GLI3: variants seen among roughly 807,000 people sequenced by gnomAD.
GLI3 encodes GLI family zinc finger 3.
A neutral mutation model predicts 100.8 loss-of-function variants in GLI3; 20 were observed. That is an observed-to-expected ratio of 0.20 (90% confidence interval 0.14 to 0.29). The LOEUF (loss-of-function observed/expected upper bound fraction) is 0.29. Ranked by LOEUF, GLI3 falls within the 10% of genes least tolerant of loss-of-function variation. The pLI, the probability that GLI3 is intolerant of heterozygous loss-of-function variation, is 1.00. For synonymous variants in GLI3, 938 were observed against 860.5 expected (o/e 1.09, Z -1.58); for missense variants, 2,040 against 2,128.5 (o/e 0.96, Z 0.82).
chr7:42,246,073 A>G (rs554755011), intron 1 of GLI3, among the ~76,000 whole-genome samples: 2 of 152,254 alleles, frequency 1.3e-5, no homozygotes, highest in South Asian at 4.1e-4. Flanking sequence ...GGCCCACTGC[A>G]GGAAACTCTG....
intron 1 of GLI3, among the ~76,000 whole-genome samples, chr7:42,236,483 AGCGGCGGCGGCCCCC>A (rs1562796663): frequency 6.6e-6 from 1 of 152,102 alleles, no homozygotes; most frequent in Non-Finnish European, 1.5e-5. Context: ...GAGAAGCCCC[AGCGGCGGCGGCCCCC>A]GCGGCGGAGG....
At chr7:42,179,402 C>A (rs1489545628) in intron 2 of GLI3, among the ~76,000 whole-genome samples, 1 of 152,156 alleles carries the variant, frequency 6.6e-6, no homozygotes. Context: ...ACAGAGTGTG[C>A]TGCCCAAGGC....
At chr7:42,118,541 T>G (rs991832891) in intron 3 of GLI3, among the ~76,000 whole-genome samples, 1 of 152,200 alleles carries the variant, frequency 6.6e-6, no homozygotes, top group African/African-American at 2.4e-5. Flanking sequence ...TCTCAGAGTT[T>G]CTGTGGGGCC....
intron 14 of GLI3, among the ~76,000 whole-genome samples, chr7:41,967,223 C>T (rs568216717): frequency 6.6e-6 from 1 of 152,298 alleles, no homozygotes; most frequent in African/African-American, 2.4e-5. Flanking sequence ...TCTGACTTTC[C>T]TTGAACTGGG....
rs1787150460 is a variant in GLI3, at chr7:41,965,715, T to C, written c.3358A>G (p.Ser1120Gly). The change falls in exon 15 of 15, where the codon AGC (serine) becomes GGC (glycine). Residue 1120 changes from serine (S) to glycine (G), a missense_variant. Ser to Gly is a moderately conservative substitution (Grantham distance 56). This residue lies in a region of GLI3 where 1,041 missense variants were observed against 924.0 expected (regional missense o/e 1.13). Coordinates refer to ENST00000395925, the MANE Select transcript of GLI3 (RefSeq NM_000168.6). Reference protein sequence around the residue: ...QHFPSALPDDSKVPHGPGDFD... With the variant: ...QHFPSALPDDGKVPHGPGDFD... ...TCACCGGGCCCGTGGGGCACTTTGC[T>C]GTCGTCCGGGAGGGCGCTGGGGAAG... The C allele has an allele frequency of 6.2e-7, 1 of 1,613,754 alleles. No individual in the cohort carries two copies. Among genetic ancestry groups the C allele is most frequent in the Non-Finnish European group, 8.5e-7 (1 of 1,179,932 alleles).
chr7:42,246,846 T>G (rs1398717526), intron 1 of GLI3, among the ~76,000 whole-genome samples: 1 of 131,350 alleles, frequency 7.6e-6, no homozygotes, highest in Non-Finnish European at 1.6e-5. Context: ...AGGGACGATA[T>G]CCTTTCTGCT....
intron 3 of GLI3, among the ~76,000 whole-genome samples, chr7:42,124,810 G>GA (rs1396713742): frequency 6.6e-6 from 1 of 152,184 alleles, no homozygotes; most frequent in Non-Finnish European, 1.5e-5. Flanking sequence ...CTGTGTGTGT[G>GA]AAAAAAGTCA....
chr7:42,012,568 G>A (rs1205349096), intron 10 of GLI3, among the ~76,000 whole-genome samples: 1 of 152,166 alleles, frequency 6.6e-6, no homozygotes, highest in Non-Finnish European at 1.5e-5. Context: ...TTCTCTTTGA[G>A]TTGTCAATCG....
chr7:42,022,495 G>A (rs563178027), intron 10 of GLI3, among the ~76,000 whole-genome samples: 1 of 152,238 alleles, frequency 6.6e-6, no homozygotes, highest in African/African-American at 2.4e-5. Flanking sequence ...GAGAGAAAGA[G>A]AAAAAGAGAG....
intron 3 of GLI3, among the ~76,000 whole-genome samples, chr7:42,122,899 G>GC (rs1786036678): frequency 6.6e-6 from 1 of 152,194 alleles, no homozygotes; most frequent in Non-Finnish European, 1.5e-5. Context: ...ACTAGAACAC[G>GC]CAAGAGTGTC....
intron 2 of GLI3, among the ~76,000 whole-genome samples, chr7:42,216,843 C>CT: frequency 6.6e-6 from 1 of 152,296 alleles, no homozygotes. Flanking sequence ...TTGCATTTAG[C>CT]TAAAGCATAG....
chr7:42,047,521 G>T (rs563665669), intron 5 of GLI3, among the ~76,000 whole-genome samples: 1 of 152,254 alleles, frequency 6.6e-6, no homozygotes, highest in South Asian at 2.1e-4. Flanking sequence ...TAATTAATAG[G>T]TGATGCAATT....
intron 2 of GLI3, among the ~76,000 whole-genome samples, chr7:42,174,184 C>T (rs1787433595): frequency 6.6e-6 from 1 of 151,984 alleles, no homozygotes; most frequent in Non-Finnish European, 1.5e-5. Context: ...TTTCTGATGG[C>T]AATTTTACTG....
chr7:42,111,959 T>A (rs1333256029), intron 3 of GLI3, among the ~76,000 whole-genome samples: 1 of 152,112 alleles, frequency 6.6e-6, no homozygotes, highest in East Asian at 1.9e-4. Context: ...TGTAAAGCCC[T>A]GGACATCCAG....
At chr7:42,055,998 A>G (rs189843374) in intron 4 of GLI3, among the ~76,000 whole-genome samples, 386 of 152,084 alleles carry the variant, frequency 2.5e-3, no homozygotes, top group Non-Finnish European at 3.3e-3. Flanking sequence ...GGGTCTCATG[A>G]GATCTGATGG....
At chr7:42,069,884 T>C (rs1245304307) in intron 4 of GLI3, among the ~76,000 whole-genome samples, 6 of 152,240 alleles carry the variant, frequency 3.9e-5, no homozygotes, top group South Asian at 2.1e-4. Context: ...GGCCACAGTT[T>C]GCCAATCCCT....
rs193106748 is a variant in GLI3, at chr7:42,077,417, G to A, written c.368-560C>T. Among the ~76,000 whole-genome samples, 529 of 149,862 alleles carry A rather than the reference G, an allele frequency of 3.5e-3. 3 individuals are homozygous for A. The highest frequency in any genetic ancestry group is 0.016 in the South Asian group (78 of 4,732). ...ATACATATTCCCCTCCTTCTTGGCCGGGCTAGGCCTCCATAGTCCCCACAC... is the reference window on the plus strand; with the variant it reads ...ATACATATTCCCCTCCTTCTTGGCCAGGCTAGGCCTCCATAGTCCCCACAC... On this transcript the variant is annotated intron_variant, in intron 3 of 14. Transcript: ENST00000395925.
intron 7 of GLI3, among the ~76,000 whole-genome samples, chr7:42,036,691 C>T (rs899069940): frequency 6.6e-6 from 1 of 152,104 alleles, no homozygotes. Context: ...ACTGCCAATA[C>T]CAACAGCAAA....
At chr7:42,093,915 G>A (rs1207897160) in intron 3 of GLI3, among the ~76,000 whole-genome samples, 1 of 151,976 alleles carries the variant, frequency 6.6e-6, no homozygotes, top group Non-Finnish European at 1.5e-5. Context: ...AATAAACTCA[G>A]GACTGAGTGC....
Sources: allele counts gnomAD v4.1 joint callset (sites outside exome capture counted in the v4.1 genomes callset), GRCh38; gene constraint gnomAD v4.1.1; regional missense constraint gnomAD v4.1.1; transcripts MANE v1.5; gene names NCBI Gene and HGNC (gene_info 2026-07-23, HGNC 2026-07-21).